DLGAP1: variants seen among roughly 807,000 people sequenced by gnomAD.
DLGAP1 encodes DLG associated protein 1, also known as disks large-associated protein 1.
Under a neutral mutation model 90.8 loss-of-function variants are expected in DLGAP1, and 11 were observed. The ratio of observed to expected loss-of-function variants is 0.12; its 90% CI spans 0.08 to 0.20. The LOEUF (loss-of-function observed/expected upper bound fraction) is 0.20, where lower values mean the gene tolerates loss of function less well. DLGAP1 is among the 10% of genes least tolerant of loss of function. The pLI is 1.00. For missense variants in DLGAP1, 1,050 were observed against 1,333.8 expected, an observed-to-expected ratio of 0.79 and a Z score of 3.31; for synonymous variants, 558 against 540.7, an observed-to-expected ratio of 1.03 and a Z score of -0.44.
At chr18:4,317,623 T>G (rs2080565325) in intron 1 of DLGAP1, among the ~76,000 whole-genome samples, 1 of 152,224 alleles carries the variant, frequency 6.6e-6, no homozygotes, top group African/African-American at 2.4e-5. Context: ...TTAAAAAGTT[T>G]GCATACTCCC....
At chr18:3,613,013 T>C (rs2057704546) in intron 7 of DLGAP1, among the ~76,000 whole-genome samples, 3 of 152,072 alleles carry the variant, frequency 2.0e-5, no homozygotes, top group Non-Finnish European at 4.4e-5. Flanking sequence ...GCTAATTTTT[T>C]TGTATTTTTA....
intron 5 of DLGAP1, among the ~76,000 whole-genome samples, chr18:3,756,899 T>A (rs2147866768): frequency 6.6e-6 from 1 of 152,016 alleles, no homozygotes; most frequent in East Asian, 1.9e-4. Flanking sequence ...AAATAAAAAA[T>A]CTGAATAGAT....
chr18:3,921,981 G>C (rs2072278016), intron 3 of DLGAP1, among the ~76,000 whole-genome samples: 1 of 152,036 alleles, frequency 6.6e-6, no homozygotes, highest in Non-Finnish European at 1.5e-5. Flanking sequence ...ATGAGAGCAG[G>C]ACAGTTGCCG....
At chr18:4,262,300 G>A (rs2079018897) in intron 1 of DLGAP1, among the ~76,000 whole-genome samples, 1 of 152,166 alleles carries the variant, frequency 6.6e-6, no homozygotes, top group South Asian at 2.1e-4. Flanking sequence ...GAAAGTAAAA[G>A]GAATTCCCGG....
intron 7 of DLGAP1, among the ~76,000 whole-genome samples, chr18:3,728,911 A>G (rs936195085): frequency 6.6e-6 from 1 of 152,124 alleles, no homozygotes; most frequent in Non-Finnish European, 1.5e-5. Context: ...CCGTTGTTGC[A>G]GTTTCCCCTG....
At chr18:4,094,473 G>A (rs1217683767) in intron 2 of DLGAP1, among the ~76,000 whole-genome samples, 1 of 151,608 alleles carries the variant, frequency 6.6e-6, no homozygotes, top group East Asian at 1.9e-4. Context: ...AACTTTTCTT[G>A]TTTGTGTCCT....
At chr18:3,972,293 C>T (rs369637868) in intron 3 of DLGAP1, among the ~76,000 whole-genome samples, 1 of 152,098 alleles carries the variant, frequency 6.6e-6, no homozygotes, top group Admixed American at 6.5e-5. Flanking sequence ...TGGAGGATCA[C>T]TTGAAGCCCG....
At chr18:4,274,163 C>T (rs1235894938) in intron 1 of DLGAP1, among the ~76,000 whole-genome samples, 3 of 151,892 alleles carry the variant, frequency 2.0e-5, no homozygotes, top group African/African-American at 7.3e-5. Flanking sequence ...ATAACTTTCC[C>T]TCTAAGTAAC....
chr18:3,974,827 T>C (rs2073535654), intron 3 of DLGAP1, among the ~76,000 whole-genome samples: 1 of 152,112 alleles, frequency 6.6e-6, no homozygotes, highest in Non-Finnish European at 1.5e-5. Context: ...TAGCATGGAA[T>C]ATTATTCAGT....
chr18:3,533,415 T>G (rs914689597), intron 10 of DLGAP1, among the ~76,000 whole-genome samples: 1 of 152,202 alleles, frequency 6.6e-6, no homozygotes, highest in Non-Finnish European at 1.5e-5. Flanking sequence ...AGAAAGTGCC[T>G]GTCAAACAGG....
At chr18:4,271,925 TA>T (rs2079293518) in intron 1 of DLGAP1, among the ~76,000 whole-genome samples, 1 of 152,224 alleles carries the variant, frequency 6.6e-6, no homozygotes, top group Admixed American at 6.5e-5. Flanking sequence ...AATTCATGTT[TA>T]GTAGGCTCTG....
At chr18:4,393,687 T>C (rs971320248) in intron 1 of DLGAP1, among the ~76,000 whole-genome samples, 1 of 152,208 alleles carries the variant, frequency 6.6e-6, no homozygotes, top group African/African-American at 2.4e-5. Flanking sequence ...TTTACTCACC[T>C]GGAGTCTCCC....
At chr18:3,722,739 C>T (rs2062022921) in intron 7 of DLGAP1, among the ~76,000 whole-genome samples, 1 of 152,118 alleles carries the variant, frequency 6.6e-6, no homozygotes. Context: ...CTTTGCCTCC[C>T]TGCTTTATAA....
intron 5 of DLGAP1, among the ~76,000 whole-genome samples, chr18:3,776,320 T>A (rs1349463040): frequency 6.6e-6 from 1 of 152,250 alleles, no homozygotes; most frequent in Non-Finnish European, 1.5e-5. Context: ...TGGAGCTCTC[T>A]GTCTCCAGGG....
chr18:3,963,863 C>T (rs530059719), intron 3 of DLGAP1, among the ~76,000 whole-genome samples: 29 of 152,046 alleles, frequency 1.9e-4, no homozygotes, highest in African/African-American at 5.5e-4. Flanking sequence ...AGACTTTGTA[C>T]AAAGAAAAAG....
At chr18:4,068,566 T>C (rs764751555) in intron 2 of DLGAP1, among the ~76,000 whole-genome samples, 2 of 152,174 alleles carry the variant, frequency 1.3e-5, no homozygotes, top group Non-Finnish European at 2.9e-5. Context: ...TGCATAACTA[T>C]GCATTTTTAA....
At chr18:3,915,206 G>A (rs2072116999) in intron 3 of DLGAP1, among the ~76,000 whole-genome samples, 1 of 152,040 alleles carries the variant, frequency 6.6e-6, no homozygotes, top group Admixed American at 6.6e-5. Context: ...TTTTAAACTG[G>A]GTGATTTGTT....
At chr18:3,695,182 G>A (rs2061050932) in intron 7 of DLGAP1, among the ~76,000 whole-genome samples, 2 of 151,926 alleles carry the variant, frequency 1.3e-5, no homozygotes, top group Admixed American at 1.3e-4. Context: ...CTGACCTCAT[G>A]GTCCACCCGT....
At chr18:4,142,193 CAT>C (rs1279632632) in intron 2 of DLGAP1, among the ~76,000 whole-genome samples, 3 of 152,166 alleles carry the variant, frequency 2.0e-5, no homozygotes. Flanking sequence ...AATTGTAAGT[CAT>C]AATAAACTCT....
Sources: allele counts gnomAD v4.1 joint callset (sites outside exome capture counted in the v4.1 genomes callset), GRCh38; gene constraint gnomAD v4.1.1; transcripts MANE v1.5; gene names NCBI Gene and HGNC (gene_info 2026-07-23, HGNC 2026-07-21).